MAP3K5: variants seen among roughly 807,000 people sequenced by gnomAD.
MAP3K5 encodes ASK-1.
MAP3K5 carries 56 observed loss-of-function variants against 158.7 expected under a neutral mutation model. The ratio of observed to expected loss-of-function variants is 0.35; its 90% confidence interval spans 0.28 to 0.44. MAP3K5 has a LOEUF of 0.44. Ranked by LOEUF, MAP3K5 falls within the 20% of genes least tolerant of loss-of-function variation. MAP3K5 has a pLI of 1.00. For missense variants in MAP3K5, 1,294 were observed against 1,674.8 expected (o/e 0.77, Z 3.97); for synonymous variants, 579 against 601.7 (o/e 0.96, Z 0.55).
intron 7 of MAP3K5, among the ~76,000 whole-genome samples, chr6:136,669,884 G>GGGGT (rs367821154): frequency 2.8e-5 from 4 of 144,402 alleles, no homozygotes; most frequent in Middle Eastern, 3.4e-3. Flanking sequence ...CATCATTCAG[G>GGGGT]GTGTGTGTGT....
At chr6:136,645,196 T>C (rs1044698521) in intron 11 of MAP3K5, among the ~76,000 whole-genome samples, 6 of 152,134 alleles carry the variant, frequency 3.9e-5, no homozygotes, top group Non-Finnish European at 7.4e-5. Context: ...GCCTCCCAAA[T>C]TGCTGGGATT....
At chr6:136,738,365 T>C (rs1782563583) in intron 1 of MAP3K5, among the ~76,000 whole-genome samples, 1 of 152,130 alleles carries the variant, frequency 6.6e-6, no homozygotes. Context: ...CTTGTCTGTG[T>C]CCTCCAAGGG....
intron 28 of MAP3K5, among the ~76,000 whole-genome samples, chr6:136,559,358 A>ATG (rs1830402528): frequency 7.4e-6 from 1 of 134,634 alleles, no homozygotes; most frequent in African/African-American, 3.2e-5. Context: ...TCTCAAAAAA[A>ATG]CAAAAACAAA....
At chr6:136,592,864 A>C in intron 21 of MAP3K5, 1 of 545,016 alleles carries the variant, frequency 1.8e-6, no homozygotes, top group Non-Finnish European at 3.5e-6. Context: ...CAAAACAGTC[A>C]AGGAAGCCCA....
chr6:136,653,916 T>A (rs1439264938), intron 10 of MAP3K5, among the ~76,000 whole-genome samples: 1 of 152,114 alleles, frequency 6.6e-6, no homozygotes, highest in Non-Finnish European at 1.5e-5. Flanking sequence ...TTTGAGTAGC[T>A]GAGTTATGAA....
At position 136,770,300 on chromosome 6, in the gene MAP3K5, T is replaced by C. The variant is rs191601380; in HGVS notation, c.448+21410A>G. Reference sequence around the variant, plus strand: ...ATACAGAACAGTGCACTGTTTATAATAGCAATTCTGGGCAAAGTAGAAAAG... The same window carrying C: ...ATACAGAACAGTGCACTGTTTATAACAGCAATTCTGGGCAAAGTAGAAAAG... On this transcript the variant is annotated intron_variant, in intron 1 of 29. Transcript: ENST00000359015. Among the ~76,000 whole-genome samples the C allele has an allele frequency of 2.0e-3, 305 of 152,236 alleles. 3 individuals carry two copies. Among genetic ancestry groups the C allele is most frequent in the Admixed American group, 0.016 (238 of 15,298 alleles).
intron 2 of MAP3K5, among the ~76,000 whole-genome samples, chr6:136,710,555 G>C (rs1781265636): frequency 6.6e-6 from 1 of 152,144 alleles, no homozygotes; most frequent in African/African-American, 2.4e-5. Flanking sequence ...AGCTCTCTGG[G>C]ACAGTGTTTG....
intron 1 of MAP3K5, among the ~76,000 whole-genome samples, chr6:136,782,119 A>G (rs749359586): frequency 6.6e-6 from 1 of 151,944 alleles, no homozygotes; most frequent in East Asian, 1.9e-4. Context: ...AAAAATAATA[A>G]ATAGGAGTAA....
intron 11 of MAP3K5, among the ~76,000 whole-genome samples, chr6:136,645,091 G>T (rs955813433): frequency 3.9e-5 from 6 of 152,012 alleles, no homozygotes; most frequent in Admixed American, 6.6e-5. Context: ...ACCAAACCTG[G>T]TTAATTTTTT....
At chr6:136,674,550 T>C (rs1164708030) in intron 7 of MAP3K5, among the ~76,000 whole-genome samples, 2 of 151,924 alleles carry the variant, frequency 1.3e-5, no homozygotes, top group Non-Finnish European at 2.9e-5. Flanking sequence ...AAAAAACATG[T>C]AAGACCAATA....
chr6:136,668,286 A>G (rs1583383261), intron 8 of MAP3K5, among the ~76,000 whole-genome samples: 1 of 152,126 alleles, frequency 6.6e-6, no homozygotes, highest in African/African-American at 2.4e-5. Context: ...TAGGAGGCCA[A>G]AGTGGGAGGA....
chr6:136,669,114 G>A (rs998300477), intron 8 of MAP3K5, among the ~76,000 whole-genome samples, 169 bp downstream of exon 8: 3 of 152,160 alleles, frequency 2.0e-5, no homozygotes, highest in Admixed American at 6.5e-5. Flanking sequence ...TCAGGATTCT[G>A]TACAACAGTA....
intron 25 of MAP3K5, among the ~76,000 whole-genome samples, chr6:136,573,275 G>A (rs185548511): frequency 3.1e-3 from 474 of 152,214 alleles, no homozygotes; most frequent in African/African-American, 0.011. Context: ...ACCTTCTCCC[G>A]CTCTTGGATA....
At position 136,669,402 on chromosome 6, in the gene MAP3K5, A is replaced by G; in HGVS notation, c.1254-7T>C. Reference sequence around the variant, plus strand: ...TTCAAATGCCTTTTTGAACCTATAAAAAACCACAAATGTACAAGTTAACTT... The same window carrying G: ...TTCAAATGCCTTTTTGAACCTATAAGAAACCACAAATGTACAAGTTAACTT... On this transcript the variant is annotated splice_region_variant and splice_polypyrimidine_tract_variant and intron_variant, in intron 7 of 29. Coordinates refer to ENST00000359015, the MANE Select transcript of MAP3K5 (RefSeq NM_005923.4). The G allele has an allele frequency of 1.3e-6, 2 of 1,505,550 alleles. No homozygotes were observed. Among genetic ancestry groups the G allele is most frequent in the African/African-American group, 1.4e-5 (1 of 72,920 alleles). 93.3% of individuals were successfully genotyped at this position (1,505,550 alleles called of 1,614,324 possible).
chr6:136,605,310 T>C lies in MAP3K5; in HGVS notation c.2578A>G (p.Lys860Glu). The change falls in exon 19 of 30, where the codon AAA (lysine) becomes GAA (glutamate). Residue 860 changes from lysine (K) to glutamate (E), a missense_variant. Physicochemically the swap from Lys to Glu is moderately conservative, Grantham distance 56. Around this residue, in one of 5 missense-constraint regions of MAP3K5, gnomAD observed 362 missense variants for 463.2 expected, o/e 0.78. Transcript: ENST00000359015. ...CCCAGAGACCAGATGTCTGCTGCTT[T>C]TCCGTAGCCTCTTGGTCCTTTATCT... ...IIDKGPRGYG[K>E]AADIWSLGCT... 6.2e-7 allele frequency: 1 copy of C among 1,614,186 alleles called. No individual in the cohort carries two copies. Among genetic ancestry groups the C allele is most frequent in the Non-Finnish European group, 8.5e-7 (1 of 1,180,002 alleles).
intron 7 of MAP3K5, among the ~76,000 whole-genome samples, chr6:136,672,989 C>CAAAAAAAAAAAA (rs538682132): frequency 1.2e-5 from 1 of 83,972 alleles, no homozygotes; most frequent in Non-Finnish European, 2.6e-5. Context: ...GACTCTATCT[C>CAAAAAAAAAAAA]AAAAAAAAAA....
chr6:136,585,509 A>C lies in MAP3K5; in HGVS notation c.3226-1769T>G, dbSNP rs140370573. Among the ~76,000 whole-genome samples, 693 of 104,772 alleles carry C rather than the reference A, an allele frequency of 6.6e-3. 4 individuals are homozygous for C. The highest frequency in any genetic ancestry group is 0.034 in the East Asian group (71 of 2,106). 68.7% of individuals were successfully genotyped at this position (104,772 alleles called of 152,430 possible). On this transcript the variant is annotated intron_variant, in intron 23 of 29. Transcript: ENST00000359015. Reference sequence around the variant, plus strand: ...TATTTATTTATTTATTTATTTATTTATTTATTTTTTGACAAAGTCTTGCTT... The same window carrying C: ...TATTTATTTATTTATTTATTTATTTCTTTATTTTTTGACAAAGTCTTGCTT...
chr6:136,632,151 A>G (rs1365653053), intron 14 of MAP3K5, among the ~76,000 whole-genome samples: 1 of 152,194 alleles, frequency 6.6e-6, no homozygotes, highest in African/African-American at 2.4e-5. Flanking sequence ...CCGCTGGACC[A>G]CAGAGTGGAA....
chr6:136,729,981 G>A (rs1012893260), intron 1 of MAP3K5, among the ~76,000 whole-genome samples: 3 of 152,110 alleles, frequency 2.0e-5, no homozygotes, highest in Non-Finnish European at 2.9e-5. Context: ...GAGGTTTTGT[G>A]GTATTTTCTG....
Sources: gnomAD v4.1 joint callset for allele counts (sites outside exome capture counted in the v4.1 genomes callset) on GRCh38, gnomAD v4.1.1 for gene constraint, gnomAD v4.1.1 regional missense constraint, MANE v1.5 for transcripts, NCBI Gene and HGNC (gene_info 2026-07-23, HGNC 2026-07-21) for gene names.